Variants in ECT2L observed in about 807,000 individuals in gnomAD.
ECT2L encodes epithelial cell-transforming sequence 2 oncogene-like.
A neutral mutation model predicts 122.8 loss-of-function variants in ECT2L; 126 were observed. The observed-to-expected ratio is 1.03, with a 90% CI of 0.89 to 1.19. The LOEUF is 1.19. Ranked by LOEUF, ECT2L falls within the 50% of genes most tolerant of loss-of-function variation. ECT2L has a pLI of 0.00. For missense variants in ECT2L, 1,012 were observed against 1,064.1 expected, an observed-to-expected ratio of 0.95 and a Z score of 0.68; for synonymous variants, 385 against 381.8, an observed-to-expected ratio of 1.01 and a Z score of -0.10.
rs764990525 is a variant in ECT2L, at chr6:138,813,233, G to T, written c.-42G>T. On this transcript the variant is annotated 5_prime_UTR_variant, in exon 3 of 22. Coordinates refer to ENST00000541398, the MANE Select transcript of ECT2L (RefSeq NM_001077706.3). The stretch of plus-strand genomic sequence containing the variant: ...AGTTTCTAGAAGTGGAAGAAAATTT[G>T]CTGAGACGTCAGCTGGGGATTCTTC... 1 of 1,519,382 alleles carries T rather than the reference G, an allele frequency of 6.6e-7. No homozygotes were observed. The highest frequency in any genetic ancestry group is 1.2e-5 in the South Asian group (1 of 83,624). 94.1% of individuals were successfully genotyped at this position (1,519,382 alleles called of 1,614,324 possible). A position where few individuals can be genotyped will look rare whatever the true frequency, so the allele number is the denominator to read the frequency against.
At chr6:138,901,889 C>A (rs1320889849) in intron 21 of ECT2L, among the ~76,000 whole-genome samples, 15 of 152,198 alleles carry the variant, frequency 9.9e-5, no homozygotes. Flanking sequence ...GGGCTATTTC[C>A]CAGTGGCTTT....
At position 138,901,081 on chromosome 6, in the gene ECT2L, C is replaced by T. The variant is rs1779381413; in HGVS notation, c.2548C>T (p.Leu850Phe). ...CTACCAGTTCATTGCATCAGTGGCC[C>T]TTCATCGGTTACTCATAGAAAATAT... is the stretch of plus-strand genomic sequence containing the variant. ...TTYQFIASVA[L>F]HRLLIENIPD... The change falls in exon 21 of 22, where the codon CTT becomes TTT. Residue 850 changes from leucine to phenylalanine, a missense_variant. Physicochemically the swap from Leu to Phe is conservative, Grantham distance 22 (BLOSUM62 0). Transcript: ENST00000541398. 3 of 1,614,118 alleles carry T rather than the reference C, an allele frequency of 1.9e-6. No individual in the cohort carries two copies. The East Asian group carries it at 6.7e-5, about 36-fold the overall frequency.
intron 12 of ECT2L, among the ~76,000 whole-genome samples, 161 bp from the exon 13 acceptor site, chr6:138,867,942 G>A (rs1185872183): frequency 7.0e-6 from 1 of 143,734 alleles, no homozygotes; most frequent in Non-Finnish European, 1.5e-5. Flanking sequence ...CAAGGCTGCA[G>A]TGAGCTATGA....
At chr6:138,889,289 A>C (rs1733836756) in intron 20 of ECT2L, among the ~76,000 whole-genome samples, 1 of 152,086 alleles carries the variant, frequency 6.6e-6, no homozygotes, top group African/African-American at 2.4e-5. Context: ...ACTCCACATA[A>C]GCAGGCATTC....
At chr6:138,811,572 G>A (rs1335826910) in intron 1 of ECT2L, among the ~76,000 whole-genome samples, 1 of 152,246 alleles carries the variant, frequency 6.6e-6, no homozygotes, top group Admixed American at 6.5e-5. Flanking sequence ...GAAGAGACCA[G>A]GTGCAGCTCG....
In ECT2L at chr6:138,835,034, G is replaced by C. The variant is rs111590787; in HGVS notation, c.180-3318G>C. 5.7e-3 allele frequency among the ~76,000 whole-genome samples: 870 copies of C among 151,964 alleles called. 6 individuals carry two copies. Among genetic ancestry groups the C allele is most frequent in the Admixed American group, 0.01 (159 of 15,242 alleles). The stretch of plus-strand genomic sequence containing the variant: ...TCTCAGGATGTGACAAGGCTACATG[G>C]ACAGGGATCAAAAAAACAGCAGTGA... On this transcript the variant is annotated intron_variant, in intron 4 of 21. Coordinates refer to ENST00000541398, the MANE Select transcript of ECT2L (RefSeq NM_001077706.3).
chr6:138,862,666 C>T lies in ECT2L; in HGVS notation c.1238C>T (p.Thr413Ile), dbSNP rs771634204. 1.2e-6 allele frequency: 2 copies of T among 1,614,184 alleles called. No individual in the cohort carries two copies. The highest frequency in any genetic ancestry group is 1.1e-5 in the South Asian group (1 of 91,084). ...GTTCTTTCCCAGCTGTCTCAACTAA[C>T]TGGCACGTTCTTTACGGCCCCCACT... is the stretch of plus-strand genomic sequence containing the variant. The part of the protein sequence containing the change: ...IEVLSQLSQL[T>I]GTFFTAPTGI... Residue 413 changes from threonine to isoleucine, a missense_variant, in exon 11 of 22, where the codon ACT becomes ATT. Thr to Ile is a moderately conservative substitution (Grantham distance 89). Transcript: ENST00000541398.
At chr6:138,832,859 A>G (rs990169909) in intron 4 of ECT2L, among the ~76,000 whole-genome samples, 1 of 151,962 alleles carries the variant, frequency 6.6e-6, no homozygotes, top group African/African-American at 2.4e-5. Context: ...ATTAGTTCAT[A>G]GCATATTAGT....
chr6:138,840,123 G>T (rs1277293442), intron 5 of ECT2L, among the ~76,000 whole-genome samples: 2 of 151,954 alleles, frequency 1.3e-5, no homozygotes, highest in African/African-American at 4.8e-5. Flanking sequence ...AAATTCACGA[G>T]GAAACATATT....
At chr6:138,887,285 G>A (rs1778862754) in intron 19 of ECT2L, among the ~76,000 whole-genome samples, 1 of 150,196 alleles carries the variant, frequency 6.7e-6, no homozygotes, top group South Asian at 2.1e-4. Context: ...GGAGTGCAGT[G>A]GCACAATCTC....
intron 1 of ECT2L, among the ~76,000 whole-genome samples, chr6:138,799,933 G>A (rs998220728): frequency 6.6e-6 from 1 of 152,180 alleles, no homozygotes; most frequent in Non-Finnish European, 1.5e-5. Flanking sequence ...CCAGTGTATG[G>A]GGGAAGAGAT....
chr6:138,896,221 G>T (rs1779207422), intron 20 of ECT2L, among the ~76,000 whole-genome samples: 1 of 151,714 alleles, frequency 6.6e-6, no homozygotes, highest in African/African-American at 2.4e-5. Flanking sequence ...GTGAGCCACT[G>T]CACGTGGCCA....
Position 138,876,484 on chromosome 6 carries a change from G to A in ECT2L, c.1591G>A (p.Val531Ile). Residue 531 changes from valine (V) to isoleucine (I), a missense_variant, in exon 14 of 22, where the codon GTA becomes ATA. Transcript: ENST00000541398. ...ATTCAATCTTCAGGAAAGAAATGTT[G>A]TAGAAGACAATTCTTGGGACACAAA... is the stretch of plus-strand genomic sequence containing the variant. ...LSKEDSERNV[V>I]EDNSWDTKSR... is the part of the protein sequence containing the mutation. 6.2e-7 allele frequency: 1 copy of A among 1,610,976 alleles called. No individual in the cohort carries two copies. The highest frequency in any genetic ancestry group is 1.7e-4 in the Middle Eastern group (1 of 6,056).
rs1450927483 is a variant in ECT2L at position 138,862,796 on chromosome 6, T to A, written c.1291+77T>A. The A allele has an allele frequency of 6.6e-6, 8 of 1,207,490 alleles. No homozygotes were observed. In the African/African-American group the frequency reaches 1.0e-4, roughly 16 times the overall value. 74.8% of individuals were successfully genotyped at this position (1,207,490 alleles called of 1,614,324 possible). A position where few individuals can be genotyped will look rare whatever the true frequency, so the allele number is the denominator to read the frequency against. On this transcript the variant is annotated intron_variant, in intron 11 of 21. Coordinates refer to ENST00000541398, the MANE Select transcript of ECT2L (RefSeq NM_001077706.3). ...GAATCACCAAAAGACAAAATCCAGT[T>A]AATAGTACTGGTATGGCTGATATCC... is the stretch of plus-strand genomic sequence containing the variant.
At chr6:138,829,722 T>G (rs1408878123) in intron 4 of ECT2L, among the ~76,000 whole-genome samples, 1 of 143,650 alleles carries the variant, frequency 7.0e-6, no homozygotes, top group African/African-American at 2.6e-5. Flanking sequence ...TGTTTTTGGT[T>G]TTTTTTTCCT....
At chr6:138,849,554 CTTTATGAAAAAAGCGAAGCTTTTTT>C in intron 9 of ECT2L, 120 bp downstream of exon 9, 1 of 943,868 alleles carries the variant, frequency 1.1e-6, no homozygotes, top group South Asian at 2.6e-5. Context: ...GATTTTTTGG[CTTTATGAAAAAAGCGAAGCTTTTTT>C]TTTTTTTTTT....
At chr6:138,837,665 A>T (rs920703732) in intron 4 of ECT2L, among the ~76,000 whole-genome samples, 3 of 151,486 alleles carry the variant, frequency 2.0e-5, no homozygotes, top group Admixed American at 1.3e-4. Flanking sequence ...AACAACAATT[A>T]AAAAAACCCA....
rs199733102 is a variant in ECT2L at position 138,823,585 on chromosome 6, G to A, written c.179+8982G>A. The A allele has an allele frequency of 8.3e-6, 12 of 1,439,288 alleles. 2 individuals are homozygous for A. Among genetic ancestry groups the A allele is most frequent in the Non-Finnish European group, 9.4e-6 (10 of 1,059,834 alleles). 89.2% of individuals were successfully genotyped at this position (1,439,288 alleles called of 1,614,324 possible). ...ATCACCAGCTGCAACATGAGCAAACGCATGGACATCGCCATCCAAGTCACA... is the reference window on the plus strand; with the variant it reads ...ATCACCAGCTGCAACATGAGCAAACACATGGACATCGCCATCCAAGTCACA... On this transcript the variant is annotated intron_variant, in intron 4 of 21. Coordinates refer to ENST00000541398, the MANE Select transcript of ECT2L (RefSeq NM_001077706.3).
rs757906962 is a variant in ECT2L at position 138,842,964 on chromosome 6, C to T, written c.343-15C>T. ...TGAAAACAATTTGTGACTCATCTTC[C>T]TCTTGTTTCTGAAGGATTGCTTATG... is the stretch of plus-strand genomic sequence containing the variant. On this transcript the variant is annotated splice_polypyrimidine_tract_variant and intron_variant, in intron 5 of 21. Coordinates refer to ENST00000541398, the MANE Select transcript of ECT2L (RefSeq NM_001077706.3). The T allele has an allele frequency of 6.8e-7, 1 of 1,466,460 alleles. No individual in the cohort carries two copies. The highest frequency in any genetic ancestry group is 9.1e-7 in the Non-Finnish European group (1 of 1,096,138). The allele number at this position is 1,466,460 out of a possible 1,614,324, so 90.8% of individuals were successfully genotyped here. A position where few individuals can be genotyped will look rare whatever the true frequency, so the allele number is the denominator to read the frequency against.
Sources: allele counts gnomAD v4.1 joint callset (sites outside exome capture counted in the v4.1 genomes callset), GRCh38; gene constraint gnomAD v4.1.1; transcripts MANE v1.5; gene names NCBI Gene and HGNC (gene_info 2026-07-23, HGNC 2026-07-21).